NUSAP1: variants seen among roughly 807,000 people sequenced by gnomAD.
NUSAP1 encodes the protein nucleolar and spindle associated protein 1, also known as nucleolar and spindle-associated protein 1.
NUSAP1 carries 32 observed loss-of-function variants against 52.8 expected under a neutral mutation model. The observed-to-expected ratio is 0.61, with a 90% CI of 0.46 to 0.81. The LOEUF (loss-of-function observed/expected upper bound fraction) is 0.81. NUSAP1 is among the 40% of genes least tolerant of loss of function. The probability of loss-of-function intolerance (pLI) is 0.00; values close to 1 mark genes in which losing one functional copy is unlikely to be tolerated. For synonymous variants in NUSAP1, 195 were observed against 183.1 expected, an observed-to-expected ratio of 1.06 and a Z score of -0.52; for missense variants, 499 against 522.3, an observed-to-expected ratio of 0.96 and a Z score of 0.43.
At chr15:41,340,383 C>T (rs542151623) in intron 1 of NUSAP1, among the ~76,000 whole-genome samples, 20 of 152,222 alleles carry the variant, frequency 1.3e-4, no homozygotes, top group Middle Eastern at 3.4e-3. Flanking sequence ...TAATACCTGA[C>T]GTCATATCAT....
At chr15:41,338,587 C>T (rs1382018637) in intron 1 of NUSAP1, among the ~76,000 whole-genome samples, 4 of 152,152 alleles carry the variant, frequency 2.6e-5, no homozygotes, top group Non-Finnish European at 4.4e-5. Flanking sequence ...CTTCCTGCCT[C>T]AACTCTTACC....
intron 1 of NUSAP1, among the ~76,000 whole-genome samples, chr15:41,336,648 GTTT>G (rs75426159): frequency 1.1e-5 from 1 of 91,340 alleles, no homozygotes; most frequent in Non-Finnish European, 2.4e-5. Context: ...CCTCCTTTTG[GTTT>G]TTTTTTTTTT....
intron 3 of NUSAP1, 93 bp downstream of exon 3, chr15:41,349,334 A>C: frequency 1.6e-6 from 2 of 1,272,878 alleles, no homozygotes; most frequent in South Asian, 1.4e-5. Flanking sequence ...ATGTGATGTC[A>C]TGTGTTTGTA....
At chr15:41,353,906 C>T (rs993678358) in intron 4 of NUSAP1, among the ~76,000 whole-genome samples, 5 of 152,168 alleles carry the variant, frequency 3.3e-5, no homozygotes, top group African/African-American at 1.2e-4. Flanking sequence ...CACTGTACTA[C>T]AGCTTTATAT....
At chr15:41,350,847 G>A in intron 3 of NUSAP1, 141 bp from the exon 4 acceptor site, 3 of 680,866 alleles carry the variant, frequency 4.4e-6, no homozygotes, top group Non-Finnish European at 7.3e-6. Flanking sequence ...ATAAGGCAGA[G>A]AACCAAATCT....
intron 6 of NUSAP1, among the ~76,000 whole-genome samples, chr15:41,361,088 C>T (rs1279825795): frequency 2.0e-5 from 3 of 150,916 alleles, no homozygotes; most frequent in African/African-American, 7.3e-5. Flanking sequence ...ACCAAGACTC[C>T]ATCTCAAAAA....
chr15:41,352,722 A>G (rs1387801147), intron 4 of NUSAP1, among the ~76,000 whole-genome samples: 1 of 151,742 alleles, frequency 6.6e-6, no homozygotes, highest in Non-Finnish European at 1.5e-5. Flanking sequence ...ACGCCCGGCT[A>G]ATTTTTGTAT....
At chr15:41,353,511 G>C (rs1222077178) in intron 4 of NUSAP1, among the ~76,000 whole-genome samples, 1 of 152,042 alleles carries the variant, frequency 6.6e-6, no homozygotes, top group Non-Finnish European at 1.5e-5. Flanking sequence ...AAGCCCCTGC[G>C]ACCATTCCAA....
intron 4 of NUSAP1, among the ~76,000 whole-genome samples, chr15:41,355,222 G>T (rs1004553167): frequency 1.2e-4 from 18 of 151,570 alleles, no homozygotes; most frequent in Non-Finnish European, 2.2e-4. Flanking sequence ...TGCCAGGCTG[G>T]AGTAGAGTGG....
chr15:41,372,347 T>G (rs1265500483), intron 8 of NUSAP1, among the ~76,000 whole-genome samples: 1 of 152,154 alleles, frequency 6.6e-6, no homozygotes, highest in Non-Finnish European at 1.5e-5. Flanking sequence ...GACCACAGAC[T>G]TCATGTTTCA....
At chr15:41,363,778 G>C (rs1394991941) in intron 6 of NUSAP1, among the ~76,000 whole-genome samples, 1 of 151,876 alleles carries the variant, frequency 6.6e-6, no homozygotes. Context: ...AATTTTTTCT[G>C]CTTGCAACAG....
Position 41,356,354 on chromosome 15 carries a change from C to CTTTTTT in NUSAP1, c.550+227_550+232dup, listed in dbSNP as rs398026995. ...GTTATACTATAGTGCCTATTTCTTT[C>CTTTTTT]TTTTTTTTTTTTTTTTTTGAGACAG... is the stretch of plus-strand genomic sequence containing the variant. On this transcript the variant is annotated intron_variant, in intron 5 of 10. Transcript: ENST00000559596. Among the ~76,000 whole-genome samples the CTTTTTT allele has an allele frequency of 1.9e-3, 236 of 124,560 alleles. 1 individual carries two copies. Among genetic ancestry groups the CTTTTTT allele is most frequent in the Non-Finnish European group, 2.5e-3 (151 of 61,292 alleles). The allele number at this position is 124,560 out of a possible 152,430, so 81.7% of individuals were successfully genotyped here. A position where few individuals can be genotyped will look rare whatever the true frequency, so the allele number is the denominator to read the frequency against.
At chr15:41,360,848 G>A (rs1255983078) in intron 6 of NUSAP1, among the ~76,000 whole-genome samples, 1 of 146,512 alleles carries the variant, frequency 6.8e-6, no homozygotes, top group East Asian at 2.0e-4. Flanking sequence ...AGGCTGGAGT[G>A]CAGTGGTGCG....
At chr15:41,378,943 G>GGT (rs2050089236) in intron 10 of NUSAP1, among the ~76,000 whole-genome samples, 3 of 62,824 alleles carry the variant, frequency 4.8e-5, no homozygotes, top group South Asian at 5.8e-4. Context: ...AACTTATCTT[G>GGT]GTTTTTTTTT....
chr15:41,371,826 A>G (rs1228918773), intron 8 of NUSAP1, 142 bp downstream of exon 8: 4 of 953,110 alleles, frequency 4.2e-6, no homozygotes, highest in African/African-American at 1.7e-5. Flanking sequence ...GCTAGAGTGT[A>G]ATGGCGGGAT....
At chr15:41,353,804 C>T (rs552129294) in intron 4 of NUSAP1, among the ~76,000 whole-genome samples, 1 of 152,250 alleles carries the variant, frequency 6.6e-6, no homozygotes, top group East Asian at 1.9e-4. Context: ...AACCCGCTAC[C>T]TGTCCTATTC....
At chr15:41,349,393 C>T (rs2140615403) in intron 3 of NUSAP1, 152 bp downstream of exon 3, 3 of 647,412 alleles carry the variant, frequency 4.6e-6, no homozygotes, top group East Asian at 2.8e-5. Flanking sequence ...CCAAGTCCAG[C>T]TGCTCATCAC....
At chr15:41,354,334 G>T (rs1477846247) in intron 4 of NUSAP1, among the ~76,000 whole-genome samples, 1 of 152,090 alleles carries the variant, frequency 6.6e-6, no homozygotes, top group Non-Finnish European at 1.5e-5. Flanking sequence ...ACAAAACCCT[G>T]TCTCTACTAA....
At chr15:41,377,970 A>G (rs2050034659) in intron 10 of NUSAP1, among the ~76,000 whole-genome samples, 1 of 151,968 alleles carries the variant, frequency 6.6e-6, no homozygotes, top group Non-Finnish European at 1.5e-5. Flanking sequence ...AGCCTGGGCG[A>G]CAGAGTGAGA....
Sources: allele counts gnomAD v4.1 joint callset (sites outside exome capture counted in the v4.1 genomes callset), GRCh38; gene constraint gnomAD v4.1.1; transcripts MANE v1.5; gene names NCBI Gene and HGNC (gene_info 2026-07-23, HGNC 2026-07-21).